The following STAC3 variants were observed in gnomAD, a reference collection of about 807,000 sequenced individuals.
The protein encoded by STAC3 is SH3 and cysteine-rich domain-containing protein 3.
A neutral mutation model predicts 48.5 loss-of-function variants in STAC3; 30 were observed. The ratio of observed to expected loss-of-function variants is 0.62; its 90% CI spans 0.46 to 0.84. The LOEUF (loss-of-function observed/expected upper bound fraction) is 0.84. Ranked by LOEUF, STAC3 falls within the 40% of genes least tolerant of loss-of-function variation. STAC3 has a pLI of 0.00. For missense variants in STAC3, 419 were observed against 462.6 expected (o/e 0.91, Z 0.86); for synonymous variants, 144 against 158.6 (o/e 0.91, Z 0.69).
At chr12:57,244,049 A>G (rs767742430) in intron 11 of STAC3, 39 bp downstream of exon 11, 28 of 1,613,506 alleles carry the variant, frequency 1.7e-5, no homozygotes, top group Non-Finnish European at 2.3e-5. Context: ...TGGGCTAGGG[A>G]GCATTCAGGC....
Position 57,249,090 on chromosome 12 carries a change from G to C in STAC3, c.285C>G (p.His95Gln), listed in dbSNP as rs2037835996. ...CACAGAACTTTGGCTTCTTGAAGAAGTGATCTTTGAATTTGTGGGGCTTAT... is the reference window on the plus strand; with the variant it reads ...CACAGAACTTTGGCTTCTTGAAGAACTGATCTTTGAATTTGTGGGGCTTAT... ...VNDKPHKFKD[H>Q]FFKKPKFCDV... is the part of the protein sequence containing the mutation. The change falls in exon 3 of 12, where the codon CAC becomes CAG. Residue 95 changes from histidine to glutamine, a missense_variant. His to Gln is a conservative substitution (Grantham distance 24, BLOSUM62 0). Transcript: ENST00000332782. 4.3e-6 allele frequency: 7 copies of C among 1,611,296 alleles called. No individual in the cohort carries two copies. The South Asian group carries it at 6.6e-5, about 15-fold the overall frequency.
intron 6 of STAC3, 102 bp downstream of exon 6, chr12:57,246,702 T>C: frequency 4.4e-6 from 5 of 1,140,908 alleles, no homozygotes; most frequent in Admixed American, 1.7e-5. Context: ...TGTGCAATTT[T>C]AGGGGAAGAC....
Position 57,248,160 on chromosome 12 carries a change from G to A in STAC3, c.471C>T (p.Tyr157=). 6.2e-7 allele frequency: 1 copy of A among 1,614,138 alleles called. No individual in the cohort carries two copies. Among genetic ancestry groups the A allele is most frequent in the Non-Finnish European group, 8.5e-7 (1 of 1,179,976 alleles). Residue 157 remains tyrosine, a synonymous_variant, in exon 5 of 12, where the codon TAC becomes TAT. Transcript: ENST00000332782. The part of the protein sequence containing the change: ...GFHRAYSSPL[Y]SNQQYACVKD... ...TGACACAAGCGTACTGCTGGTTGCT[G>A]TAGAGTGGGGAACTATAGGCCCGAT...
rs367701062 is a variant in STAC3, at chr12:57,244,205, G to T, written c.879C>A (p.Val293=). The part of the protein sequence containing the change: ...EWWRGKIGEK[V]GFFPPNFIIR... ...TGATGAAGTTTGGAGGGAAAAATCCGACCTTCTCCCCGATTTTCCCCTAGG... is the reference window on the plus strand; with the variant it reads ...TGATGAAGTTTGGAGGGAAAAATCCTACCTTCTCCCCGATTTTCCCCTAGG... Residue 293 remains valine, a synonymous_variant, in exon 11 of 12, where the codon GTC becomes GTA. Coordinates refer to ENST00000332782, the MANE Select transcript of STAC3 (RefSeq NM_145064.3). The T allele has an allele frequency of 1.9e-6, 3 of 1,614,032 alleles. No individual in the cohort carries two copies. Among genetic ancestry groups the T allele is most frequent in the Middle Eastern group, 1.6e-4 (1 of 6,084 alleles).
At chr12:57,244,648 C>T (rs1449005389) in intron 8 of STAC3, 26 bp from the exon 9 acceptor site, 1 of 1,613,080 alleles carries the variant, frequency 6.2e-7, no homozygotes, top group Non-Finnish European at 8.5e-7. Flanking sequence ...AATGATGAGT[C>T]TTAGGGCTCC....
intron 2 of STAC3, 43 bp downstream of exon 2, chr12:57,249,528 C>T: frequency 6.3e-7 from 1 of 1,584,628 alleles, no homozygotes; most frequent in Non-Finnish European, 8.6e-7. Context: ...GCTGTAATGG[C>T]TTCCCAGCCC....
In STAC3 at chr12:57,244,093, C is replaced by A; in HGVS notation, c.991G>T (p.Asp331Tyr). 6.2e-7 allele frequency: 1 copy of A among 1,614,056 alleles called. No homozygotes were observed. The highest frequency in any genetic ancestry group is 1.1e-5 in the South Asian group (1 of 91,072). Residue 331 changes from aspartate (D) to tyrosine (Y), a missense_variant, in exon 11 of 12, where the codon GAC (aspartate) becomes TAC (tyrosine). Transcript: ENST00000332782. Reference sequence around the variant, plus strand: ...GGGTTGGGGCAACAGCCTACCTGGTCCTTCTTGAGAGTGATCTGCCCTATC... The same window carrying A: ...GGGTTGGGGCAACAGCCTACCTGGTACTTCTTGAGAGTGATCTGCCCTATC... ...REIGQITLKK[D>Y]QIVVQKGDEA... is the part of the protein sequence containing the mutation.
At chr12:57,249,754 A>C (rs1357998181) in intron 1 of STAC3, 117 bp from the exon 2 acceptor site, 3 of 1,124,532 alleles carry the variant, frequency 2.7e-6, no homozygotes, top group Non-Finnish European at 3.9e-6. Flanking sequence ...GTGATGAGAG[A>C]TTTTGCTGTT....
At chr12:57,248,536 G>A (rs1336468936) in intron 4 of STAC3, among the ~76,000 whole-genome samples, 170 bp downstream of exon 4, 2 of 152,032 alleles carry the variant, frequency 1.3e-5, no homozygotes, top group Non-Finnish European at 2.9e-5. Flanking sequence ...CTGTCACCAC[G>A]CCCGGCTAAT....
At chr12:57,247,160 A>G (rs2037760846) in intron 5 of STAC3, among the ~76,000 whole-genome samples, 1 of 152,166 alleles carries the variant, frequency 6.6e-6, no homozygotes, top group Non-Finnish European at 1.5e-5. Flanking sequence ...GCAGAGCATT[A>G]TATGATGTTT....
In STAC3 at chr12:57,244,139, T is replaced by A; in HGVS notation, c.945A>T (p.Arg315Ser). ...CTATCTCGCGGTTCCCCACGAAGGA[T>A]CTCGTCACGCGGTGCACACGTTCTC... ...RAGERVHRVTRSFVGNREIGQ... is the reference protein window; with the variant it reads ...RAGERVHRVTSSFVGNREIGQ... Residue 315 changes from arginine to serine, a missense_variant, in exon 11 of 12, where the codon AGA becomes AGT. By Grantham distance (110) the Arg-to-Ser change is moderately radical. Coordinates refer to ENST00000332782, the MANE Select transcript of STAC3 (RefSeq NM_145064.3). 6.2e-7 allele frequency: 1 copy of A among 1,614,000 alleles called. No homozygotes were observed. Among genetic ancestry groups the A allele is most frequent in the Non-Finnish European group, 8.5e-7 (1 of 1,179,994 alleles).
Position 57,243,641 on chromosome 12 carries a change from C to G in STAC3, c.*171G>C, listed in dbSNP as rs985014552. On this transcript the variant is annotated 3_prime_UTR_variant, in exon 12 of 12. Coordinates refer to ENST00000332782, the MANE Select transcript of STAC3 (RefSeq NM_145064.3). ...GGCAGCAGGTATCCGAGGCCCCAGG[C>G]TGGGGAAGGGGGCGAGAACCAGTCC... 1.4e-6 allele frequency: 1 copy of G among 726,920 alleles called. No homozygotes were observed. Among genetic ancestry groups the G allele is most frequent in the African/African-American group, 1.7e-5 (1 of 57,578 alleles). 45.0% of individuals were successfully genotyped at this position (726,920 alleles called of 1,614,324 possible).
intron 2 of STAC3, 61 bp downstream of exon 2, chr12:57,249,510 C>G (rs2037848863): frequency 6.3e-7 from 1 of 1,595,688 alleles, no homozygotes; most frequent in Non-Finnish European, 8.6e-7. Context: ...TTTAAGCACT[C>G]TTCTTCAGCT....
rs776530575 is a variant in STAC3 at position 57,249,644 on chromosome 12, G to A, written c.-1-7C>T. ...CACCTCCTTTTCTGTCATCCTGCAAGAGGTTGGACCCCACTATGAAATCTA... is the reference window on the plus strand; with the variant it reads ...CACCTCCTTTTCTGTCATCCTGCAAAAGGTTGGACCCCACTATGAAATCTA... On this transcript the variant is annotated splice_region_variant and splice_polypyrimidine_tract_variant and intron_variant, in intron 1 of 11. Transcript: ENST00000332782. 4 of 1,613,886 alleles carry A rather than the reference G, an allele frequency of 2.5e-6. No individual in the cohort carries two copies. Among genetic ancestry groups the A allele is most frequent in the African/African-American group, 2.7e-5 (2 of 75,036 alleles).
At chr12:57,248,967 A>C in intron 3 of STAC3, 74 bp downstream of exon 3, 1 of 1,557,468 alleles carries the variant, frequency 6.4e-7, no homozygotes, top group Non-Finnish European at 8.7e-7. Context: ...TGCTACAAAT[A>C]CTCCTCTCCT....
rs554445123 is a variant in STAC3 at position 57,247,955 on chromosome 12, G to A, written c.505+171C>T. Among the ~76,000 whole-genome samples the A allele has an allele frequency of 2.0e-5, 3 of 152,330 alleles. No individual in the cohort carries two copies. The South Asian group carries it at 6.2e-4, about 32-fold the overall frequency. On this transcript the variant is annotated intron_variant, in intron 5 of 11. Coordinates refer to ENST00000332782, the MANE Select transcript of STAC3 (RefSeq NM_145064.3). ...CAACTAAATCGTATCTCCCTCTGCT[G>A]TAAAATGGGGATATTGCCTCTGCAT...
chr12:57,249,950 T>G (rs1443913819), intron 1 of STAC3, among the ~76,000 whole-genome samples: 1 of 152,188 alleles, frequency 6.6e-6, no homozygotes, highest in African/African-American at 2.4e-5. Context: ...TGGTCTTGCT[T>G]TGTTGCCTAG....
intron 1 of STAC3, among the ~76,000 whole-genome samples, chr12:57,250,535 G>C (rs2037877167): frequency 6.6e-6 from 1 of 151,764 alleles, no homozygotes; most frequent in African/African-American, 2.4e-5. Context: ...CGTGGTTTAC[G>C]TCATTTTCCT....
At position 57,250,996 on chromosome 12, in the gene STAC3, C is replaced by T. The variant is rs1009847694; in HGVS notation, c.-5G>A. The stretch of plus-strand genomic sequence containing the variant: ...AGAGGATGAAGAGGTAACTTACGTT[C>T]GGGATTCCCTAAGTCAGTCCACAGG... On this transcript the variant is annotated 5_prime_UTR_variant, in exon 1 of 12. Transcript: ENST00000332782. The T allele has an allele frequency of 9.3e-6, 3 of 322,422 alleles. No individual in the cohort carries two copies. The highest frequency in any genetic ancestry group is 4.3e-5 in the African/African-American group (2 of 46,042). 20.0% of individuals were successfully genotyped at this position (322,422 alleles called of 1,614,324 possible).
Sources: allele counts gnomAD v4.1 joint callset (sites outside exome capture counted in the v4.1 genomes callset), GRCh38; gene constraint gnomAD v4.1.1; transcripts MANE v1.5; gene names NCBI Gene and HGNC (gene_info 2026-07-23, HGNC 2026-07-21).